AFG1L: variants seen among roughly 807,000 people sequenced by gnomAD.
AFG1L encodes the protein AFG1 like ATPase.
AFG1L carries 53 observed loss-of-function variants against 62.2 expected under a neutral mutation model. The ratio of observed to expected loss-of-function variants is 0.85; its 90% CI spans 0.68 to 1.07. The LOEUF (loss-of-function observed/expected upper bound fraction) is 1.07, where lower values mean the gene tolerates loss of function less well. Ranked by LOEUF, AFG1L falls within the 50% of genes least tolerant of loss-of-function variation. The pLI is 0.00. For missense variants in AFG1L, 555 were observed against 590.5 expected, an observed-to-expected ratio of 0.94 and a Z score of 0.62; for synonymous variants, 228 against 210.3, an observed-to-expected ratio of 1.08 and a Z score of -0.73.
rs530250058 is a variant in AFG1L, at chr6:108,339,265, C to T, written c.364-7723C>T. Among the ~76,000 whole-genome samples the T allele has an allele frequency of 4.6e-5, 7 of 151,536 alleles. No individual in the cohort carries two copies. The East Asian group carries it at 5.8e-4, about 13-fold the overall frequency. On this transcript the variant is annotated intron_variant, in intron 2 of 12. Coordinates refer to ENST00000368977, the MANE Select transcript of AFG1L (RefSeq NM_145315.5). ...AAATGATTCTTGTGCCTCAGCCTCT[C>T]GAGTAGCTGGGACTACAGGCACGTG...
At chr6:108,368,206 G>A (rs550110490) in intron 6 of AFG1L, among the ~76,000 whole-genome samples, 10 of 151,418 alleles carry the variant, frequency 6.6e-5, no homozygotes, top group African/African-American at 2.4e-4. Context: ...TTTGCAAATG[G>A]AGTATGTTTG....
Position 108,522,364 on chromosome 6 carries a change from C to T in AFG1L, c.1385C>T (p.Ser462Phe), listed in dbSNP as rs1775157358. The T allele has an allele frequency of 6.8e-6, 11 of 1,614,048 alleles. No individual in the cohort carries two copies. Among genetic ancestry groups the T allele is most frequent in the Non-Finnish European group, 8.5e-6 (10 of 1,179,966 alleles). ...ATCTTTGCATTTCAGCGCACAATTT[C>T]CCGACTCACGGAAATGCAGACTGAA... ...EEIFAFQRTI[S>F]RLTEMQTEQY... The change falls in exon 13 of 13, where the codon TCC becomes TTC. Residue 462 changes from serine (S) to phenylalanine (F), a missense_variant. Ser to Phe is a radical substitution (Grantham distance 155). Coordinates refer to ENST00000368977, the MANE Select transcript of AFG1L (RefSeq NM_145315.5).
chr6:108,413,255 A>G (rs544430408), intron 7 of AFG1L, among the ~76,000 whole-genome samples: 18 of 152,322 alleles, frequency 1.2e-4, no homozygotes, highest in African/African-American at 4.3e-4. Context: ...GGGAGCACCC[A>G]GATTAATAAA....
Position 108,364,864 on chromosome 6 carries a change from CCAA to C in AFG1L, c.649-1368_649-1366del, listed in dbSNP as rs1449946991. Among the ~76,000 whole-genome samples the C allele has an allele frequency of 1.3e-3, 106 of 84,300 alleles. 3 individuals carry two copies. The highest frequency in any genetic ancestry group is 3.3e-3 in the South Asian group (9 of 2,756). 55.3% of individuals were successfully genotyped at this position (84,300 alleles called of 152,430 possible). On this transcript the variant is annotated intron_variant, in intron 5 of 12. Coordinates refer to ENST00000368977, the MANE Select transcript of AFG1L (RefSeq NM_145315.5). ...GTTTTTTAGTTATAACCTGAGACAGCCAAAAAAAAAAAAAAAAAAAAAGTACAT... is the reference window on the plus strand; with the variant it reads ...GTTTTTTAGTTATAACCTGAGACAGCAAAAAAAAAAAAAAAAAAAGTACAT...
chr6:108,445,080 G>A (rs1368336668), intron 7 of AFG1L, among the ~76,000 whole-genome samples: 1 of 152,186 alleles, frequency 6.6e-6, no homozygotes, highest in East Asian at 1.9e-4. Context: ...TGGATAACTT[G>A]TTGCACCTTC....
chr6:108,436,924 G>GT lies in AFG1L; in HGVS notation c.808-10289dup, dbSNP rs1226723949. On this transcript the variant is annotated intron_variant, in intron 7 of 12. Transcript: ENST00000368977. ...TACCAGTGTTTGCTATTACCATGGC[G>GT]TCTTAGTCCAGGCTGAGAAATCTAA... Among the ~76,000 whole-genome samples, 5 of 152,282 alleles carry GT rather than the reference G, an allele frequency of 3.3e-5. No individual in the cohort carries two copies. The East Asian group carries it at 9.6e-4, about 29-fold the overall frequency.
intron 1 of AFG1L, among the ~76,000 whole-genome samples, chr6:108,310,418 A>G (rs900032659): frequency 6.6e-6 from 1 of 152,146 alleles, no homozygotes; most frequent in Non-Finnish European, 1.5e-5. Context: ...ATATCTTTGG[A>G]GAAATGTCTA....
chr6:108,490,682 C>G (rs911286351), intron 10 of AFG1L, among the ~76,000 whole-genome samples: 1 of 152,222 alleles, frequency 6.6e-6, no homozygotes, highest in Non-Finnish European at 1.5e-5. Flanking sequence ...CGAACTGCAG[C>G]CTTTGCAATG....
At chr6:108,307,695 A>G (rs977658958) in intron 1 of AFG1L, among the ~76,000 whole-genome samples, 1 of 152,236 alleles carries the variant, frequency 6.6e-6, no homozygotes, top group Non-Finnish European at 1.5e-5. Context: ...TTGGGCAGAT[A>G]CCAAATAATA....
At chr6:108,388,216 A>T (rs1416937305) in intron 6 of AFG1L, 2 of 152,138 alleles carry the variant, frequency 1.3e-5, no homozygotes, top group Non-Finnish European at 2.9e-5. Flanking sequence ...GAAATGTCTA[A>T]GTTTTGTTCT....
chr6:108,386,867 G>A (rs1780788094), intron 6 of AFG1L, among the ~76,000 whole-genome samples: 1 of 151,964 alleles, frequency 6.6e-6, no homozygotes, highest in Non-Finnish European at 1.5e-5. Context: ...GATGTATATT[G>A]TAATCATAGA....
chr6:108,316,576 C>T (rs1016946514), intron 1 of AFG1L, among the ~76,000 whole-genome samples: 1 of 145,112 alleles, frequency 6.9e-6, no homozygotes, highest in Admixed American at 7.0e-5. Context: ...CTCTGTTGCC[C>T]AGGCTGGAGT....
At chr6:108,394,155 C>T (rs112666122) in intron 6 of AFG1L, among the ~76,000 whole-genome samples, 3,976 of 135,648 alleles carry the variant, frequency 0.029, 95 homozygotes, top group Non-Finnish European at 0.047. Flanking sequence ...CCTCCCCTCT[C>T]CTCTCCTTTC....
At chr6:108,484,902 A>G (rs1473894780) in intron 10 of AFG1L, among the ~76,000 whole-genome samples, 1 of 152,186 alleles carries the variant, frequency 6.6e-6, no homozygotes, top group Non-Finnish European at 1.5e-5. Context: ...CAAAGAAATC[A>G]CTGTATATCA....
chr6:108,323,004 G>C (rs592615), intron 1 of AFG1L, among the ~76,000 whole-genome samples: 44,914 of 152,080 alleles, frequency 0.3, 9,962 homozygotes, highest in African/African-American at 0.61. Flanking sequence ...GTCCAACTCC[G>C]TAAAGGTTAT....
At chr6:108,411,233 A>C (rs898201207) in intron 7 of AFG1L, among the ~76,000 whole-genome samples, 1 of 152,202 alleles carries the variant, frequency 6.6e-6, no homozygotes, top group African/African-American at 2.4e-5. Context: ...GCCATTGCAG[A>C]GGCTTGAGTA....
intron 7 of AFG1L, among the ~76,000 whole-genome samples, chr6:108,405,021 C>T (rs560205343): frequency 2.6e-5 from 4 of 152,182 alleles, no homozygotes; most frequent in Non-Finnish European, 5.9e-5. Flanking sequence ...TTAGCCACCA[C>T]ACCTGGCCAG....
At position 108,355,646 on chromosome 6, in the gene AFG1L, T is replaced by A. The variant is rs200387924; in HGVS notation, c.416-8T>A. The A allele has an allele frequency of 3.2e-6, 5 of 1,545,712 alleles. No homozygotes were observed. In the Admixed American group the frequency reaches 9.7e-5, roughly 30 times the overall value. On this transcript the variant is annotated splice_region_variant and splice_polypyrimidine_tract_variant and intron_variant, in intron 3 of 12. Coordinates refer to ENST00000368977, the MANE Select transcript of AFG1L (RefSeq NM_145315.5). ...AATAGTATTCTTAAAATTTTTTTTA[T>A]TTTTAAGGTACAGGAAAAACAATGG...
Position 108,326,171 on chromosome 6 carries a change from A to G in AFG1L, c.363+2123A>G, listed in dbSNP as rs1778034651. Reference sequence around the variant, plus strand: ...TAGTAGCCTTGAAGTCCTGGGCCCAAGTGATTCTCCTCCCGCAGCCCCCTG... The same window carrying G: ...TAGTAGCCTTGAAGTCCTGGGCCCAGGTGATTCTCCTCCCGCAGCCCCCTG... On this transcript the variant is annotated intron_variant, in intron 2 of 12. Transcript: ENST00000368977. Among the ~76,000 whole-genome samples the G allele has an allele frequency of 3.3e-5, 5 of 152,122 alleles. No individual in the cohort carries two copies. The South Asian group carries it at 1.0e-3, about 31-fold the overall frequency.
Sources: gnomAD v4.1 joint callset for allele counts (sites outside exome capture counted in the v4.1 genomes callset) on GRCh38, gnomAD v4.1.1 for gene constraint, MANE v1.5 for transcripts, NCBI Gene and HGNC (gene_info 2026-07-23, HGNC 2026-07-21) for gene names.